Variants in DMBX1 observed in about 807,000 individuals in gnomAD.
DMBX1 encodes diencephalon/mesencephalon homeobox 1.
In DMBX1, 7 loss-of-function variants were observed where a neutral mutation model predicts 30.4. The observed-to-expected ratio is 0.23, with a 90% CI of 0.13 to 0.43. DMBX1 has a LOEUF of 0.43. DMBX1 is among the 20% of genes least tolerant of loss of function. The pLI, the probability that DMBX1 is intolerant of heterozygous loss-of-function variation, is 1.00. For missense variants in DMBX1, 460 were observed against 508.5 expected, an observed-to-expected ratio of 0.90 and a Z score of 0.92; for synonymous variants, 222 against 214.2, an observed-to-expected ratio of 1.04 and a Z score of -0.32.
intron 2 of DMBX1, among the ~76,000 whole-genome samples, chr1:46,497,345 G>A (rs1666043119): frequency 6.6e-6 from 1 of 152,208 alleles, no homozygotes; most frequent in Non-Finnish European, 1.5e-5. Flanking sequence ...AAGACTGGTA[G>A]CTGTTGTTAT....
chr1:46,511,639 G>A (rs55644055), intron 5 of DMBX1, among the ~76,000 whole-genome samples: 48,412 of 152,052 alleles, frequency 0.32, 9,561 homozygotes, highest in Non-Finnish European at 0.45. Flanking sequence ...GAGACTCCGA[G>A]CACATTTCTG....
chr1:46,506,511 C>G, intron 2 of DMBX1, among the ~76,000 whole-genome samples: 1 of 152,156 alleles, frequency 6.6e-6, no homozygotes, highest in East Asian at 1.9e-4. Context: ...AGTAATTGAA[C>G]GAAGAGATGA....
Position 46,512,125 on chromosome 1 carries a change from G to C in DMBX1, c.765G>C (p.Pro255=). The change falls in exon 6 of 6, where the codon CCG becomes CCC. Residue 255 remains proline (P), a synonymous_variant. Transcript: ENST00000360032. This position sits in a 1 kb window ranked among gnomAD's most constrained non-coding sequence, Gnocchi z 4.8. ...CCTCCCACTCCTATTCCTCGTCCCC[G>C]CTGAGCCTCTTCCGTCTGCAGGAGC... ...LGPSHSYSSS[P]LSLFRLQEQF... The C allele has an allele frequency of 6.2e-7, 1 of 1,613,854 alleles. No homozygotes were observed. Among genetic ancestry groups the C allele is most frequent in the Non-Finnish European group, 8.5e-7 (1 of 1,179,960 alleles).
intron 2 of DMBX1, among the ~76,000 whole-genome samples, chr1:46,503,674 C>G (rs1018796843): frequency 3.2e-4 from 49 of 152,322 alleles, no homozygotes; most frequent in African/African-American, 1.1e-3. Flanking sequence ...TTGCCTGCAA[C>G]TGTGTGTGTT....
chr1:46,492,312 A>G (rs57043956), intron 2 of DMBX1, among the ~76,000 whole-genome samples: 9,177 of 152,246 alleles, frequency 0.06, 706 homozygotes, highest in African/African-American at 0.18. Flanking sequence ...AGTGGTCAGG[A>G]AATTTGAGCT....
intron 2 of DMBX1, among the ~76,000 whole-genome samples, chr1:46,495,989 G>A (rs993473119): frequency 4.6e-5 from 7 of 152,184 alleles, no homozygotes; most frequent in Non-Finnish European, 1.0e-4. Flanking sequence ...TGGTCTGAGA[G>A]ATGGGTTCAT....
intron 2 of DMBX1, among the ~76,000 whole-genome samples, chr1:46,500,297 G>T (rs1280951833): frequency 6.6e-6 from 1 of 152,056 alleles, no homozygotes; most frequent in Non-Finnish European, 1.5e-5. Flanking sequence ...GCTGCATTGT[G>T]CATCAAAAAC....
rs913631390 is a variant in DMBX1, at chr1:46,493,139, G to T, written c.-13+2356G>T. Among the ~76,000 whole-genome samples, 2 of 151,678 alleles carry T rather than the reference G, an allele frequency of 1.3e-5. No homozygotes were observed. The highest frequency in any genetic ancestry group is 2.4e-5 in the African/African-American group (1 of 41,244). ...TCTCACAGTCCCGCTCGGCCGCCCC[G>T]CAGTGCCCATGTAAATGACAGCAAT... On this transcript the variant is annotated intron_variant, in intron 2 of 5. Coordinates refer to ENST00000360032, the MANE Select transcript of DMBX1 (RefSeq NM_172225.2). The surrounding 1 kb of genome is among the most constrained non-coding windows in gnomAD (Gnocchi z 4.1).
At chr1:46,490,037 C>G (rs1665901056) in intron 1 of DMBX1, among the ~76,000 whole-genome samples, 160 bp downstream of exon 1, 1 of 152,172 alleles carries the variant, frequency 6.6e-6, no homozygotes, top group South Asian at 2.1e-4. Flanking sequence ...GAGCCAGGGA[C>G]TAGGAGACAG....
At position 46,490,634 on chromosome 1, in the gene DMBX1, G is replaced by C. The variant is rs1295416741; in HGVS notation, c.-152-10G>C. ...ATTGCCCGGGTCTGGCTTTGGTCTC[G>C]CCCGCGCAGATCCCGTTCAAACTCA... On this transcript the variant is annotated splice_polypyrimidine_tract_variant and intron_variant, in intron 1 of 5. Transcript: ENST00000360032. 1.3e-5 allele frequency among the ~76,000 whole-genome samples: 2 copies of C among 152,244 alleles called. No individual in the cohort carries two copies. The highest frequency in any genetic ancestry group is 4.8e-5 in the African/African-American group (2 of 41,468).
In DMBX1 at chr1:46,512,560, G is replaced by T; in HGVS notation, c.*66G>T. On this transcript the variant is annotated 3_prime_UTR_variant, in exon 6 of 6. Transcript: ENST00000360032. The surrounding 1 kb of genome is among the most constrained non-coding windows in gnomAD (Gnocchi z 4.8). ...CTCCTAGCCCTGTGGTTATCCCTAGGTGGCTCTCGAGGAGTTAACTCCATG... is the reference window on the plus strand; with the variant it reads ...CTCCTAGCCCTGTGGTTATCCCTAGTTGGCTCTCGAGGAGTTAACTCCATG... 2 of 1,523,324 alleles carry T rather than the reference G, an allele frequency of 1.3e-6. No individual in the cohort carries two copies. The highest frequency in any genetic ancestry group is 1.8e-6 in the Non-Finnish European group (2 of 1,131,514). 94.4% of individuals were successfully genotyped at this position (1,523,324 alleles called of 1,614,324 possible). A position where few individuals can be genotyped will look rare whatever the true frequency, so the allele number is the denominator to read the frequency against.
At chr1:46,509,366 C>T (rs74950823) in intron 3 of DMBX1, among the ~76,000 whole-genome samples, 6,757 of 152,230 alleles carry the variant, frequency 0.044, 180 homozygotes, top group Middle Eastern at 0.082. Flanking sequence ...TGCCGGGCCT[C>T]CTCTTCCTAT....
At chr1:46,509,249 T>G (rs1287413713) in intron 3 of DMBX1, among the ~76,000 whole-genome samples, 1 of 152,224 alleles carries the variant, frequency 6.6e-6, no homozygotes, top group South Asian at 2.1e-4. Flanking sequence ...ATTTTTTGTA[T>G]TTTTAGTAGT....
chr1:46,494,316 C>G (rs1368739126), intron 2 of DMBX1, among the ~76,000 whole-genome samples: 1 of 152,168 alleles, frequency 6.6e-6, no homozygotes, highest in African/African-American at 2.4e-5. Flanking sequence ...CTTAAAAGAA[C>G]AAAAAATTAA....
chr1:46,508,503 A>T (rs1194834340), intron 3 of DMBX1, among the ~76,000 whole-genome samples: 1 of 152,178 alleles, frequency 6.6e-6, no homozygotes, highest in Non-Finnish European at 1.5e-5. Context: ...TCTCTGGACC[A>T]GTGTGGAGGC....
chr1:46,492,433 A>T (rs1319015440), intron 2 of DMBX1, among the ~76,000 whole-genome samples: 1 of 152,232 alleles, frequency 6.6e-6, no homozygotes, highest in Non-Finnish European at 1.5e-5. Context: ...CCTGGGCGTC[A>T]GTGCTCTGGG....
rs936354276 is a variant in DMBX1, at chr1:46,493,075, C to G, written c.-13+2292C>G. ...TCAAGGAGCCAGTCTTCACCTCCCC[C>G]ACCCCTGCCTTCCCATTTCGCCCCC... On this transcript the variant is annotated intron_variant, in intron 2 of 5. Coordinates refer to ENST00000360032, the MANE Select transcript of DMBX1 (RefSeq NM_172225.2). This position sits in a 1 kb window ranked among gnomAD's most constrained non-coding sequence, Gnocchi z 4.1. 3.3e-5 allele frequency among the ~76,000 whole-genome samples: 5 copies of G among 152,306 alleles called. No individual in the cohort carries two copies. The highest frequency in any genetic ancestry group is 6.5e-5 in the Admixed American group (1 of 15,304).
At chr1:46,507,588 T>TGTGA (rs1292181614) in intron 3 of DMBX1, among the ~76,000 whole-genome samples, 1 of 152,202 alleles carries the variant, frequency 6.6e-6, no homozygotes, top group East Asian at 1.9e-4. Context: ...TGACACCAAC[T>TGTGA]GTGAGTTAGG....
chr1:46,506,144 G>A (rs1181125213), intron 2 of DMBX1, among the ~76,000 whole-genome samples: 2 of 152,046 alleles, frequency 1.3e-5, no homozygotes, highest in African/African-American at 2.4e-5. Context: ...TGCAACCTCC[G>A]CCTCCCAGGT....
Sources: gnomAD v4.1 joint callset for allele counts (sites outside exome capture counted in the v4.1 genomes callset) on GRCh38, gnomAD v4.1.1 for gene constraint, Gnocchi (gnomAD v3.1) non-coding constraint, MANE v1.5 for transcripts, NCBI Gene and HGNC (gene_info 2026-07-23, HGNC 2026-07-21) for gene names.